The following NRXN3 variants were observed in gnomAD, a reference collection of about 807,000 sequenced individuals.
NRXN3 encodes the protein neurexin III.
Under a neutral mutation model 137.6 loss-of-function variants are expected in NRXN3, and 32 were observed. The ratio of observed to expected loss-of-function variants is 0.23; its 90% CI spans 0.18 to 0.31. The LOEUF (loss-of-function observed/expected upper bound fraction) is 0.31. Among genes scored for constraint, NRXN3 ranks in the 10% least tolerant of loss-of-function variants. The pLI is 1.00. For missense variants in NRXN3, 1,574 were observed against 2,062.5 expected, an observed-to-expected ratio of 0.76 and a Z score of 4.59; for synonymous variants, 798 against 784.5, an observed-to-expected ratio of 1.02 and a Z score of -0.29.
chr14:79,844,027 C>T (rs753695284), intron 20 of NRXN3, among the ~76,000 whole-genome samples: 52 of 152,102 alleles, frequency 3.4e-4, no homozygotes, highest in Non-Finnish European at 1.5e-4. Context: ...AGTTACTTCA[C>T]TTAGTATAAA....
In NRXN3 at chr14:79,716,738, C is replaced by G. The variant is rs568982226; in HGVS notation, c.4014+18801C>G. ...ATTTCTTTTTAATTGTAATCCTTTTCTTGAGTTCTTCCCACTCTTACTTCC... is the reference window on the plus strand; with the variant it reads ...ATTTCTTTTTAATTGTAATCCTTTTGTTGAGTTCTTCCCACTCTTACTTCC... On this transcript the variant is annotated intron_variant, in intron 19 of 20. Coordinates refer to ENST00000335750, the MANE Select transcript of NRXN3 (RefSeq NM_001330195.2). Among the ~76,000 whole-genome samples, 123 of 152,268 alleles carry G rather than the reference C, an allele frequency of 8.1e-4. 1 individual carries two copies. Among genetic ancestry groups the G allele is most frequent in the African/African-American group, 2.7e-3 (112 of 41,550 alleles).
intron 19 of NRXN3, among the ~76,000 whole-genome samples, chr14:79,737,713 C>T (rs1359897436): frequency 7.6e-6 from 1 of 131,870 alleles, no homozygotes; most frequent in Non-Finnish European, 1.7e-5. Context: ...CATGGTGTGG[C>T]ATTCTTTTCT....
intron 10 of NRXN3, among the ~76,000 whole-genome samples, chr14:78,823,164 A>G (rs1055392357): frequency 6.6e-6 from 1 of 152,254 alleles, no homozygotes; most frequent in Non-Finnish European, 1.5e-5. Context: ...TTAGAATGCC[A>G]TAATTCAACT....
intron 16 of NRXN3, among the ~76,000 whole-genome samples, chr14:79,554,250 A>C (rs2097405254): frequency 6.6e-6 from 1 of 152,124 alleles, no homozygotes; most frequent in African/African-American, 2.4e-5. Flanking sequence ...GGTAGGGAAA[A>C]GGCAGGAATC....
chr14:79,392,694 A>G (rs2218784), intron 15 of NRXN3, among the ~76,000 whole-genome samples: 106,091 of 151,872 alleles, frequency 0.7, 37,386 homozygotes, highest in Middle Eastern at 0.85. Context: ...GGAAATGGCC[A>G]GGTGTGGTGG....
At chr14:78,946,148 A>G (rs1318327290) in intron 10 of NRXN3, among the ~76,000 whole-genome samples, 1 of 152,260 alleles carries the variant, frequency 6.6e-6, no homozygotes, top group Non-Finnish European at 1.5e-5. Context: ...AGCACTTAGA[A>G]TAGTGTCTTA....
At chr14:78,445,590 C>T (rs2094396199) in intron 4 of NRXN3, among the ~76,000 whole-genome samples, 1 of 152,110 alleles carries the variant, frequency 6.6e-6, no homozygotes. Context: ...TTCTACAGTG[C>T]CTTGAGCACA....
chr14:78,413,342 A>G (rs542868602), intron 4 of NRXN3, among the ~76,000 whole-genome samples: 11 of 152,234 alleles, frequency 7.2e-5, no homozygotes, highest in African/African-American at 2.4e-4. Context: ...CTGGAGTGCA[A>G]TGGCATAATC....
chr14:79,022,757 C>T (rs545898073), intron 15 of NRXN3, among the ~76,000 whole-genome samples: 2 of 152,244 alleles, frequency 1.3e-5, no homozygotes, highest in African/African-American at 4.8e-5. Context: ...AGCCAAAATA[C>T]AAAAGTGCTG....
chr14:78,770,635 T>A (rs2098724067), intron 8 of NRXN3, among the ~76,000 whole-genome samples: 1 of 152,194 alleles, frequency 6.6e-6, no homozygotes, highest in Non-Finnish European at 1.5e-5. Flanking sequence ...ATAATAAATG[T>A]CCAAATCAAA....
At position 79,295,754 on chromosome 14, in the gene NRXN3, G is replaced by C. The variant is rs546075829; in HGVS notation, c.3263-171467G>C. On this transcript the variant is annotated intron_variant, in intron 15 of 20. Coordinates refer to ENST00000335750, the MANE Select transcript of NRXN3 (RefSeq NM_001330195.2). ...CAGTTTTAGTTTGTACTTTTCCCTT[G>C]ATTGAGAATCTCTCCTATTTGGTAG... 3.5e-4 allele frequency among the ~76,000 whole-genome samples: 54 copies of C among 152,216 alleles called. No homozygotes were observed. The Middle Eastern group carries it at 0.01, about 29-fold the overall frequency.
intron 4 of NRXN3, among the ~76,000 whole-genome samples, chr14:78,408,696 A>G (rs2092648929): frequency 6.6e-6 from 1 of 152,228 alleles, no homozygotes; most frequent in South Asian, 2.1e-4. Flanking sequence ...GAGCTGCAAG[A>G]CAACTATTTG....
intron 10 of NRXN3, among the ~76,000 whole-genome samples, chr14:78,852,187 G>A (rs2152490011): frequency 6.6e-6 from 1 of 152,226 alleles, no homozygotes; most frequent in South Asian, 2.1e-4. Context: ...TGATGTTCAA[G>A]AGTCCCTGCA....
chr14:78,281,071 A>G (rs1404966361), intron 3 of NRXN3, among the ~76,000 whole-genome samples: 2 of 152,196 alleles, frequency 1.3e-5, no homozygotes, highest in African/African-American at 4.8e-5. Flanking sequence ...AGGGCTGATT[A>G]CCAATCTTGT....
intron 15 of NRXN3, among the ~76,000 whole-genome samples, chr14:79,351,598 C>T (rs888804583): frequency 6.6e-6 from 1 of 152,136 alleles, no homozygotes. Context: ...CTATTAAGAG[C>T]ACCTACCTCA....
chr14:78,530,755 G>T (rs2096450448), intron 4 of NRXN3, among the ~76,000 whole-genome samples: 2 of 152,222 alleles, frequency 1.3e-5, no homozygotes, highest in Admixed American at 1.3e-4. Context: ...CATTCATGGG[G>T]ATGAATCCTT....
chr14:79,752,073 G>A (rs548373242), intron 19 of NRXN3, among the ~76,000 whole-genome samples: 2 of 152,132 alleles, frequency 1.3e-5, no homozygotes, highest in Non-Finnish European at 2.9e-5. Context: ...GTATCAGGAT[G>A]ATGCTGGCCT....
At chr14:78,656,545 A>G (rs1417429588) in intron 6 of NRXN3, among the ~76,000 whole-genome samples, 3 of 152,186 alleles carry the variant, frequency 2.0e-5, no homozygotes. Context: ...GGACCATTTC[A>G]TAGAGGCCTT....
At chr14:78,296,501 T>C (rs1433261141) in intron 3 of NRXN3, among the ~76,000 whole-genome samples, 1 of 152,206 alleles carries the variant, frequency 6.6e-6, no homozygotes, top group African/African-American at 2.4e-5. Context: ...CTTCTTACTA[T>C]ACCCTTCCCC....
Sources: allele counts gnomAD v4.1 joint callset (sites outside exome capture counted in the v4.1 genomes callset), GRCh38; gene constraint gnomAD v4.1.1; transcripts MANE v1.5; gene names NCBI Gene and HGNC (gene_info 2026-07-23, HGNC 2026-07-21).